The following LY86 variants were observed in gnomAD, a reference collection of about 807,000 sequenced individuals.
LY86 encodes the protein lymphocyte antigen 86.
Under a neutral mutation model 17.3 loss-of-function variants are expected in LY86, and 20 were observed. The ratio of observed to expected loss-of-function variants is 1.15; its 90% CI spans 0.81 to 1.68. The LOEUF (loss-of-function observed/expected upper bound fraction) is 1.68, where lower values mean the gene tolerates loss of function less well. LY86 is among the 40% of genes most tolerant of loss of function. The pLI is 0.00. For missense variants in LY86, 200 were observed against 191.9 expected (o/e 1.04, Z -0.25); for synonymous variants, 74 against 70.6 (o/e 1.05, Z -0.24).
chr6:6,636,560 G>A (rs768848384), intron 3 of LY86, among the ~76,000 whole-genome samples: 51 of 152,312 alleles, frequency 3.3e-4, no homozygotes, highest in Non-Finnish European at 1.5e-4. Flanking sequence ...AGGCTTAGAA[G>A]TTTAAGACCT....
intron 1 of LY86, chr6:6,621,422 C>A (rs565883854): frequency 2.0e-5 from 3 of 152,204 alleles, no homozygotes; most frequent in Non-Finnish European, 4.4e-5. Flanking sequence ...AACCTACCAT[C>A]TTTTATATTG....
chr6:6,651,954 G>A (rs977508823), intron 4 of LY86, among the ~76,000 whole-genome samples: 4 of 151,136 alleles, frequency 2.6e-5, no homozygotes, highest in Non-Finnish European at 5.9e-5. Flanking sequence ...CACTCGGGAG[G>A]CTGAGGCATG....
At chr6:6,598,123 C>T (rs1760776837) in intron 1 of LY86, among the ~76,000 whole-genome samples, 1 of 152,224 alleles carries the variant, frequency 6.6e-6, no homozygotes, top group East Asian at 1.9e-4. Flanking sequence ...ACTACTTACA[C>T]AACTAGTAAG....
At chr6:6,650,834 G>A (rs138484532) in intron 4 of LY86, among the ~76,000 whole-genome samples, 3 of 152,154 alleles carry the variant, frequency 2.0e-5, no homozygotes, top group Non-Finnish European at 2.9e-5. Flanking sequence ...TATTAACTGT[G>A]TGTTTGTACC....
chr6:6,590,557 G>T (rs2113066859), intron 1 of LY86, among the ~76,000 whole-genome samples: 2 of 152,274 alleles, frequency 1.3e-5, no homozygotes, highest in Middle Eastern at 6.8e-3. Context: ...ACATAAATTT[G>T]AGGGGATGCA....
chr6:6,654,085 C>A (rs1762225489), intron 4 of LY86, among the ~76,000 whole-genome samples: 1 of 96,306 alleles, frequency 1.0e-5, no homozygotes, highest in Admixed American at 1.2e-4. Flanking sequence ...CTTACCTCAC[C>A]CCCCCCATCC....
intron 1 of LY86, among the ~76,000 whole-genome samples, chr6:6,613,913 C>T (rs771210597): frequency 2.0e-5 from 3 of 152,216 alleles, no homozygotes; most frequent in African/African-American, 4.8e-5. Flanking sequence ...CAAGGTGTTG[C>T]TAGAGTGGGG....
intron 3 of LY86, among the ~76,000 whole-genome samples, chr6:6,631,210 C>A (rs973906121): frequency 6.6e-5 from 10 of 151,978 alleles, no homozygotes; most frequent in Non-Finnish European, 1.5e-4. Context: ...CAGGTGGTGA[C>A]CAGAAGTGCT....
chr6:6,640,468 CA>C (rs1762023742), intron 3 of LY86, among the ~76,000 whole-genome samples: 1 of 151,728 alleles, frequency 6.6e-6, no homozygotes, highest in Admixed American at 6.6e-5. Context: ...CCTCTCATCC[CA>C]GCAGCTACAG....
At chr6:6,621,694 G>T (rs992159230) in intron 1 of LY86, among the ~76,000 whole-genome samples, 3 of 152,322 alleles carry the variant, frequency 2.0e-5, no homozygotes, top group East Asian at 1.9e-4. Context: ...AATGTCAATA[G>T]TGATGACATT....
At chr6:6,597,404 G>A (rs545277109) in intron 1 of LY86, among the ~76,000 whole-genome samples, 10 of 152,272 alleles carry the variant, frequency 6.6e-5, no homozygotes, top group African/African-American at 2.4e-4. Context: ...AGTATAGAGA[G>A]GCAGGTGCTT....
chr6:6,606,323 G>A lies in LY86; in HGVS notation c.136+17453G>A, dbSNP rs765597970. On this transcript the variant is annotated intron_variant, in intron 1 of 4. Coordinates refer to ENST00000230568, the MANE Select transcript of LY86 (RefSeq NM_004271.4). ...TTCACAAACCCTGAGCTAGACACAG[G>A]GTGCTGATTGGTGTATTTACAATCC... Among the ~76,000 whole-genome samples the A allele has an allele frequency of 3.3e-4, 50 of 152,252 alleles. 1 individual carries two copies. The highest frequency in any genetic ancestry group is 3.4e-3 in the Middle Eastern group (1 of 294).
At chr6:6,614,469 G>A (rs746215631) in intron 1 of LY86, among the ~76,000 whole-genome samples, 2 of 151,514 alleles carry the variant, frequency 1.3e-5, no homozygotes, top group African/African-American at 4.9e-5. Flanking sequence ...GAGCCTGCAG[G>A]CAGCCCAGGA....
At chr6:6,621,839 C>T (rs576838573) in intron 1 of LY86, among the ~76,000 whole-genome samples, 2 of 152,150 alleles carry the variant, frequency 1.3e-5, no homozygotes, top group East Asian at 3.9e-4. Context: ...GTTAGCTTTG[C>T]AGTATCTAGT....
intron 1 of LY86, among the ~76,000 whole-genome samples, chr6:6,611,829 G>T (rs569314057): frequency 2.6e-5 from 4 of 152,132 alleles, no homozygotes; most frequent in African/African-American, 7.2e-5. Flanking sequence ...AAAATAGCAG[G>T]GCTTTTGTCT....
intron 1 of LY86, among the ~76,000 whole-genome samples, chr6:6,598,228 TTTTAA>T (rs1417543535): frequency 2.0e-5 from 3 of 152,210 alleles, no homozygotes; most frequent in Non-Finnish European, 2.9e-5. Flanking sequence ...TAGCAGATTT[TTTTAA>T]TTTGTCTTAT....
intron 1 of LY86, among the ~76,000 whole-genome samples, chr6:6,594,810 G>T (rs1045121452): frequency 2.2e-4 from 34 of 152,154 alleles, no homozygotes; most frequent in African/African-American, 7.7e-4. Flanking sequence ...CTTACAAACA[G>T]GTAGATAGGA....
chr6:6,595,361 G>C (rs1274446960), intron 1 of LY86, among the ~76,000 whole-genome samples: 2 of 64,182 alleles, frequency 3.1e-5, no homozygotes, highest in African/African-American at 7.1e-5. Context: ...AGAGGAGAAG[G>C]GGAGAAGAAA....
intron 1 of LY86, chr6:6,621,420 A>G (rs1279441280): frequency 9.9e-5 from 15 of 152,284 alleles, no homozygotes; most frequent in Admixed American, 8.5e-4. Context: ...GCAACCTACC[A>G]TCTTTTATAT....
Sources: gnomAD v4.1 joint callset for allele counts (sites outside exome capture counted in the v4.1 genomes callset) on GRCh38, gnomAD v4.1.1 for gene constraint, MANE v1.5 for transcripts, NCBI Gene and HGNC (gene_info 2026-07-23, HGNC 2026-07-21) for gene names.